The following SMOC2 variants were observed in gnomAD, a reference collection of about 807,000 sequenced individuals.
SMOC2 encodes SPARC-related modular calcium-binding protein 2.
A neutral mutation model predicts 61.4 loss-of-function variants in SMOC2; 39 were observed. That is an observed-to-expected ratio of 0.64 (90% CI 0.49 to 0.83). The LOEUF is 0.83. Among genes scored for constraint, SMOC2 ranks in the 40% least tolerant of loss-of-function variants. The probability of loss-of-function intolerance (pLI) is 0.00; values close to 1 mark genes in which losing one functional copy is unlikely to be tolerated. For missense variants in SMOC2, 556 were observed against 592.9 expected, an observed-to-expected ratio of 0.94 and a Z score of 0.65; for synonymous variants, 247 against 239.9, an observed-to-expected ratio of 1.03 and a Z score of -0.27.
intron 9 of SMOC2, among the ~76,000 whole-genome samples, chr6:168,623,329 A>ATTTTTTTTTTTTTTTTTTTTTTT (rs11284179): frequency 7.7e-6 from 1 of 129,108 alleles, no homozygotes. Flanking sequence ...TGGATAATTA[A>ATTTTTTTTTTTTTTTTTTTTTTT]TTTTTTTTTT....
chr6:168,592,520 C>T (rs868128363), intron 7 of SMOC2, among the ~76,000 whole-genome samples: 2 of 79,066 alleles, frequency 2.5e-5, no homozygotes, highest in Non-Finnish European at 5.3e-5. Flanking sequence ...TTCCTGAGGC[C>T]TCACGGGCAT....
chr6:168,495,776 AC>A (rs1782573784), intron 1 of SMOC2, among the ~76,000 whole-genome samples: 1 of 151,662 alleles, frequency 6.6e-6, no homozygotes, highest in Admixed American at 6.6e-5. Context: ...TGGCAGCCTC[AC>A]CCACCTGCAG....
intron 9 of SMOC2, among the ~76,000 whole-genome samples, chr6:168,641,016 C>A (rs1193114228): frequency 6.6e-6 from 1 of 151,986 alleles, no homozygotes; most frequent in Non-Finnish European, 1.5e-5. Flanking sequence ...CTTAGTTCTC[C>A]TTAAGAATTT....
At chr6:168,623,375 G>A (rs1342062803) in intron 9 of SMOC2, among the ~76,000 whole-genome samples, 1 of 140,604 alleles carries the variant, frequency 7.1e-6, no homozygotes, top group Non-Finnish European at 1.5e-5. Flanking sequence ...CTGTGACCCA[G>A]GCTGGAGTTC....
chr6:168,664,304 C>A (rs1787597211), intron 12 of SMOC2, 193 bp downstream of exon 12: 1 of 611,268 alleles, frequency 1.6e-6, no homozygotes, highest in Non-Finnish European at 2.9e-6. Context: ...TATCCGAAAT[C>A]ACCAACTTGT....
chr6:168,456,106 G>T (rs1781580179), intron 1 of SMOC2, among the ~76,000 whole-genome samples: 1 of 152,258 alleles, frequency 6.6e-6, no homozygotes, highest in Non-Finnish European at 1.5e-5. Context: ...CTGGGAAGGA[G>T]TCACTGCTTG....
At chr6:168,483,766 TAGAG>T (rs1478487077) in intron 1 of SMOC2, among the ~76,000 whole-genome samples, 2 of 152,094 alleles carry the variant, frequency 1.3e-5, no homozygotes, top group Non-Finnish European at 2.9e-5. Context: ...ATCAACAGAA[TAGAG>T]AGCCCAGAAA....
intron 1 of SMOC2, among the ~76,000 whole-genome samples, chr6:168,498,385 G>A (rs370388525): frequency 2.0e-5 from 3 of 152,220 alleles, no homozygotes; most frequent in Admixed American, 6.5e-5. Context: ...AAACGCATTC[G>A]CTATTCCAGG....
chr6:168,565,154 T>C (rs544489373), intron 7 of SMOC2, among the ~76,000 whole-genome samples: 1 of 152,274 alleles, frequency 6.6e-6, no homozygotes, highest in Non-Finnish European at 1.5e-5. Context: ...TGCAGTTCCC[T>C]TAGTGAATCT....
At chr6:168,570,296 T>A (rs1181078524) in intron 7 of SMOC2, among the ~76,000 whole-genome samples, 1 of 152,066 alleles carries the variant, frequency 6.6e-6, no homozygotes, top group Non-Finnish European at 1.5e-5. Context: ...CAGAAGACAG[T>A]GAGAAGATGT....
At chr6:168,616,572 G>C (rs1206413917) in intron 9 of SMOC2, among the ~76,000 whole-genome samples, 2 of 152,202 alleles carry the variant, frequency 1.3e-5, no homozygotes, top group African/African-American at 2.4e-5. Context: ...AGAGAGAGCT[G>C]AATCTACATT....
chr6:168,554,946 TTC>T (rs1291237366), intron 7 of SMOC2, among the ~76,000 whole-genome samples: 1 of 152,162 alleles, frequency 6.6e-6, no homozygotes, highest in African/African-American at 2.4e-5. Context: ...CGGGCACGAG[TTC>T]TCTCTGGCAT....
chr6:168,485,451 T>G (rs1782308155), intron 1 of SMOC2, among the ~76,000 whole-genome samples: 1 of 152,122 alleles, frequency 6.6e-6, no homozygotes, highest in Admixed American at 6.5e-5. Context: ...AATGAATAAG[T>G]AAAATGCAGC....
chr6:168,546,755 G>A (rs1405713681), intron 5 of SMOC2, among the ~76,000 whole-genome samples: 1 of 152,120 alleles, frequency 6.6e-6, no homozygotes, highest in East Asian at 1.9e-4. Flanking sequence ...AACCTCCAGT[G>A]GCCTGAATTT....
chr6:168,518,734 TG>T (rs1783222233), intron 2 of SMOC2, among the ~76,000 whole-genome samples: 1 of 150,294 alleles, frequency 6.7e-6, no homozygotes, highest in Non-Finnish European at 1.5e-5. Flanking sequence ...TGAGTGTGCA[TG>T]TGTGTGAATG....
chr6:168,490,917 C>T (rs552666946), intron 1 of SMOC2, among the ~76,000 whole-genome samples: 2 of 152,298 alleles, frequency 1.3e-5, no homozygotes, highest in East Asian at 1.9e-4. Flanking sequence ...ACTTGAGACA[C>T]GGCAGGGCAG....
chr6:168,660,728 A>G (rs1787487195), intron 11 of SMOC2, among the ~76,000 whole-genome samples: 3 of 152,168 alleles, frequency 2.0e-5, no homozygotes, highest in Admixed American at 2.0e-4. Context: ...ATGCTCAGAG[A>G]TGGAGCCTCT....
intron 12 of SMOC2, chr6:168,664,384 C>CTTTTTTTTTTTTTTT (rs750178882): frequency 3.5e-6 from 1 of 283,094 alleles, no homozygotes; most frequent in African/African-American, 4.0e-5. Context: ...TTTGGTAGAT[C>CTTTTTTTTTTTTTTT]TTTTTTTTTT....
chr6:168,600,582 C>T (rs768602226), intron 8 of SMOC2, among the ~76,000 whole-genome samples: 1 of 152,134 alleles, frequency 6.6e-6, no homozygotes, highest in African/African-American at 2.4e-5. Flanking sequence ...TCACGCCGGA[C>T]GGAATCTGAA....
Sources: allele counts gnomAD v4.1 joint callset (sites outside exome capture counted in the v4.1 genomes callset), GRCh38; gene constraint gnomAD v4.1.1; transcripts MANE v1.5; gene names NCBI Gene and HGNC (gene_info 2026-07-23, HGNC 2026-07-21).